EFNA4: variants seen among roughly 807,000 people sequenced by gnomAD.
The protein encoded by EFNA4 is ephrin-A4.
In EFNA4, 22 loss-of-function variants were observed where a neutral mutation model predicts 23.7. The ratio of observed to expected loss-of-function variants is 0.93; its 90% CI spans 0.66 to 1.32. The LOEUF (loss-of-function observed/expected upper bound fraction) is 1.32, where lower values mean the gene tolerates loss of function less well. EFNA4 is among the 40% of genes most tolerant of loss of function. The pLI, the probability that EFNA4 is intolerant of heterozygous loss-of-function variation, is 0.00. For missense variants in EFNA4, 252 were observed against 252.3 expected (o/e 1.00, Z 0.01); for synonymous variants, 113 against 108.3 (o/e 1.04, Z -0.27).
chr1:155,068,026 T>C (rs1400394770), intron 3 of EFNA4, among the ~76,000 whole-genome samples: 1 of 152,164 alleles, frequency 6.6e-6, no homozygotes, highest in African/African-American at 2.4e-5. Flanking sequence ...GTTCAAGCGA[T>C]TCTCCTGCCT....
At position 155,067,483 on chromosome 1, in the gene EFNA4, C is replaced by A. The variant is rs754047574; in HGVS notation, c.469+43C>A. On this transcript the variant is annotated intron_variant, in intron 3 of 3. Transcript: ENST00000368409. ...ATGGACCCTACTGGCTAATGTGGGG[C>A]CTTGGGAAGGAGGGAAGGAGTGAGA... 3.1e-6 allele frequency: 5 copies of A among 1,604,508 alleles called. No individual in the cohort carries two copies. In the South Asian group the frequency reaches 5.5e-5, roughly 18 times the overall value.
chr1:155,068,523 C>G (rs1234505073), intron 3 of EFNA4, among the ~76,000 whole-genome samples: 1 of 134,642 alleles, frequency 7.4e-6, no homozygotes, highest in East Asian at 2.5e-4. Flanking sequence ...CTCAAGTGAT[C>G]CACTCGCCTC....
chr1:155,067,554 G>C lies in EFNA4; in HGVS notation c.469+114G>C, dbSNP rs1663082164. On this transcript the variant is annotated intron_variant, in intron 3 of 3. Transcript: ENST00000368409. Reference sequence around the variant, plus strand: ...TCCAGGGGTCCTGGTGAAGCTTCAAGCTGTGGTCTCTTCTCCCCATTTAGC... The same window carrying C: ...TCCAGGGGTCCTGGTGAAGCTTCAACCTGTGGTCTCTTCTCCCCATTTAGC... 4.2e-6 allele frequency: 5 copies of C among 1,185,870 alleles called. No homozygotes were observed. In the Admixed American group the frequency reaches 9.5e-5, roughly 23 times the overall value. 73.5% of individuals were successfully genotyped at this position (1,185,870 alleles called of 1,614,324 possible). A position where few individuals can be genotyped will look rare whatever the true frequency, so the allele number is the denominator to read the frequency against.
chr1:155,063,894 C>G lies in EFNA4; in HGVS notation c.71C>G (p.Ser24Cys). The G allele has an allele frequency of 6.4e-7, 1 of 1,567,748 alleles. No homozygotes were observed. The highest frequency in any genetic ancestry group is 8.6e-7 in the Non-Finnish European group (1 of 1,158,188). The change falls in exon 1 of 4, where the codon TCC (serine) becomes TGC (cysteine). Residue 24 changes from serine (S) to cysteine (C), a missense_variant. Ser to Cys is a moderately radical substitution (Grantham distance 112). Transcript: ENST00000368409. This position sits in a 1 kb window ranked among gnomAD's most constrained non-coding sequence, Gnocchi z 4.1. ...AFLGSPLRGG[S>C]SLRHVVYWNS... ...CTCGGCTCCCCTCTGCGCGGGGGCT[C>G]CAGCCTCCGCCACGTAGTCTACTGG...
intron 1 of EFNA4, among the ~76,000 whole-genome samples, chr1:155,066,177 C>T (rs1663040006): frequency 6.6e-6 from 1 of 152,158 alleles, no homozygotes; most frequent in Admixed American, 6.5e-5. Context: ...CTCCCTCATT[C>T]TTTTTTTACC....
Position 155,068,898 on chromosome 1 carries a change from C to T in EFNA4, c.515C>T (p.Thr172Ile), listed in dbSNP as rs373255071. 1 of 1,613,856 alleles carries T rather than the reference C, an allele frequency of 6.2e-7. No individual in the cohort carries two copies. Among genetic ancestry groups the T allele is most frequent in the African/African-American group, 1.3e-5 (1 of 74,870 alleles). ...HPVGSPGESG[T>I]SGWRGGDTPS... ...GTTGGGAGCCCTGGAGAGAGTGGCA[C>T]ATCAGGGTGGCGAGGGGGGGACACT... Residue 172 changes from threonine to isoleucine, a missense_variant, in exon 4 of 4, where the codon ACA becomes ATA. Thr to Ile is a moderately conservative substitution (Grantham distance 89). Coordinates refer to ENST00000368409, the MANE Select transcript of EFNA4 (RefSeq NM_005227.3).
chr1:155,063,943 G>A lies in EFNA4; in HGVS notation c.113+7G>A, dbSNP rs764671956. On this transcript the variant is annotated splice_region_variant and intron_variant, in intron 1 of 3. Coordinates refer to ENST00000368409, the MANE Select transcript of EFNA4 (RefSeq NM_005227.3). This position sits in a 1 kb window ranked among gnomAD's most constrained non-coding sequence, Gnocchi z 4.1. ...GGAACTCCAGTAACCCCAGGTAGCC[G>A]GGCCGAACCGGGCGAGCGCACAGCC... The A allele has an allele frequency of 9.1e-6, 14 of 1,538,314 alleles. No individual in the cohort carries two copies. Among genetic ancestry groups the A allele is most frequent in the Non-Finnish European group, 1.0e-5 (12 of 1,143,564 alleles).
At chr1:155,066,673 C>T (rs954126431) in intron 1 of EFNA4, 57 bp from the exon 2 acceptor site, 17 of 1,513,054 alleles carry the variant, frequency 1.1e-5, no homozygotes, top group Non-Finnish European at 1.5e-5. Context: ...CTCTGGCATC[C>T]ATGGCCATGG....
intron 1 of EFNA4, 95 bp downstream of exon 1, chr1:155,064,031 A>C: frequency 1.1e-5 from 9 of 788,190 alleles, no homozygotes; most frequent in East Asian, 9.3e-5. Context: ...GCGCCGCCTG[A>C]GCCTGGCCGC....
rs1437922306 is a variant in EFNA4, at chr1:155,067,014, T to C, written c.398T>C (p.Ile133Thr). 24 of 1,603,246 alleles carry C rather than the reference T, an allele frequency of 1.5e-5. No homozygotes were observed. Among genetic ancestry groups the C allele is most frequent in the Non-Finnish European group, 2.0e-5 (24 of 1,173,904 alleles). Residue 133 changes from isoleucine (I) to threonine (T), a missense_variant and splice_region_variant, in exon 2 of 4, where the codon ATC becomes ACC. Transcript: ENST00000368409. ...EFLPGETYYY[I>T]SVPTPESSGQ... Reference sequence around the variant, plus strand: ...TTACCTGGAGAGACTTACTACTACATCTGTGAGTGGCCAAGGGCACACTGG... The same window carrying C: ...TTACCTGGAGAGACTTACTACTACACCTGTGAGTGGCCAAGGGCACACTGG...
Position 155,063,885 on chromosome 1 carries a change from G to A in EFNA4, c.62G>A (p.Arg21His). ...LWAAFLGSPLRGGSSLRHVVY... is the reference protein window; with the variant it reads ...LWAAFLGSPLHGGSSLRHVVY... ...GCCGCGTTCCTCGGCTCCCCTCTGC[G>A]CGGGGGCTCCAGCCTCCGCCACGTA... The change falls in exon 1 of 4, where the codon CGC (arginine) becomes CAC (histidine). Residue 21 changes from arginine to histidine, a missense_variant. Physicochemically the swap from Arg to His is conservative, Grantham distance 29. Transcript: ENST00000368409. The surrounding 1 kb of genome is among the most constrained non-coding windows in gnomAD (Gnocchi z 4.1). 6.4e-7 allele frequency: 1 copy of A among 1,567,318 alleles called. No homozygotes were observed.
At chr1:155,066,037 A>G (rs991349425) in intron 1 of EFNA4, among the ~76,000 whole-genome samples, 1 of 151,356 alleles carries the variant, frequency 6.6e-6, no homozygotes, top group African/African-American at 2.4e-5. Flanking sequence ...CGCCCAGCCT[A>G]TTTATTTATT....
In EFNA4 at chr1:155,069,194, T is replaced by C; in HGVS notation, c.*205T>C. 6.3e-7 allele frequency: 1 copy of C among 1,582,916 alleles called. No individual in the cohort carries two copies. The highest frequency in any genetic ancestry group is 8.5e-7 in the Non-Finnish European group (1 of 1,171,602). On this transcript the variant is annotated 3_prime_UTR_variant, in exon 4 of 4. Coordinates refer to ENST00000368409, the MANE Select transcript of EFNA4 (RefSeq NM_005227.3). The stretch of plus-strand genomic sequence containing the variant: ...GCTAAAGAAGAGCAGTAGACAGCCC[T>C]GGACACTCTGAAGCAGAGGCAAGAC...
Position 155,069,368 on chromosome 1 carries a change from G to T in EFNA4, c.*379G>T. 1.7e-6 allele frequency: 1 copy of T among 605,816 alleles called. No homozygotes were observed. The highest frequency in any genetic ancestry group is 2.7e-6 in the Non-Finnish European group (1 of 369,070). 37.5% of individuals were successfully genotyped at this position (605,816 alleles called of 1,614,324 possible). On this transcript the variant is annotated 3_prime_UTR_variant, in exon 4 of 4. Transcript: ENST00000368409. ...ATTGCTGGACCAGGGCAAAGAAGAAGCCCTGCCATCTGTGCCCTGTGGGCC... is the reference window on the plus strand; with the variant it reads ...ATTGCTGGACCAGGGCAAAGAAGAATCCCTGCCATCTGTGCCCTGTGGGCC...
chr1:155,068,348 C>T (rs935150245), intron 3 of EFNA4, among the ~76,000 whole-genome samples: 13 of 151,428 alleles, frequency 8.6e-5, no homozygotes, highest in Admixed American at 1.3e-4. Flanking sequence ...TTACTTCAAC[C>T]TCACCCTCCT....
rs1382096108 is a variant in EFNA4, at chr1:155,069,200, C to G, written c.*211C>G. 2 of 1,574,144 alleles carry G rather than the reference C, an allele frequency of 1.3e-6. No homozygotes were observed. The highest frequency in any genetic ancestry group is 2.8e-5 in the African/African-American group (2 of 72,476). Reference sequence around the variant, plus strand: ...GAAGAGCAGTAGACAGCCCTGGACACTCTGAAGCAGAGGCAAGACAAACAC... The same window carrying G: ...GAAGAGCAGTAGACAGCCCTGGACAGTCTGAAGCAGAGGCAAGACAAACAC... On this transcript the variant is annotated 3_prime_UTR_variant, in exon 4 of 4. Transcript: ENST00000368409.
Position 155,063,918 on chromosome 1 carries a change from G to A in EFNA4, c.95G>A (p.Trp32Ter). Residue 32 changes from tryptophan (W) to a stop codon, truncating the protein, a stop_gained, in exon 1 of 4, where the codon TGG (tryptophan) becomes TAG (stop). Coordinates refer to ENST00000368409, the MANE Select transcript of EFNA4 (RefSeq NM_005227.3). LOFTEE classifies it high-confidence loss of function. The surrounding 1 kb of genome is among the most constrained non-coding windows in gnomAD (Gnocchi z 4.1). ...TCCAGCCTCCGCCACGTAGTCTACT[G>A]GAACTCCAGTAACCCCAGGTAGCCG... Reference protein sequence around the residue: ...GGSSLRHVVYWNSSNPRLLRG... With the variant: ...GGSSLRHVVY 6.4e-7 allele frequency: 1 copy of A among 1,566,772 alleles called. No individual in the cohort carries two copies. Among genetic ancestry groups the A allele is most frequent in the Non-Finnish European group, 8.6e-7 (1 of 1,158,028 alleles).
At chr1:155,064,688 T>C (rs1385829726) in intron 1 of EFNA4, among the ~76,000 whole-genome samples, 1 of 152,180 alleles carries the variant, frequency 6.6e-6, no homozygotes, top group Non-Finnish European at 1.5e-5. Flanking sequence ...CCTCCCCAAG[T>C]CTCCCTGCCT....
In EFNA4 at chr1:155,069,191, C is replaced by G. The variant is rs754953222; in HGVS notation, c.*202C>G. 27 of 1,587,850 alleles carry G rather than the reference C, an allele frequency of 1.7e-5. No homozygotes were observed. In the African/African-American group the frequency reaches 3.1e-4, roughly 19 times the overall value. ...CAGGCTAAAGAAGAGCAGTAGACAG[C>G]CCTGGACACTCTGAAGCAGAGGCAA... On this transcript the variant is annotated 3_prime_UTR_variant, in exon 4 of 4. Transcript: ENST00000368409.
Sources: allele counts gnomAD v4.1 joint callset (sites outside exome capture counted in the v4.1 genomes callset), GRCh38; gene constraint gnomAD v4.1.1; non-coding constraint Gnocchi (gnomAD v3.1); transcripts MANE v1.5; gene names NCBI Gene and HGNC (gene_info 2026-07-23, HGNC 2026-07-21).